The following NR3C2 variants were observed in gnomAD, a reference collection of about 807,000 sequenced individuals.
NR3C2 encodes nuclear receptor subfamily 3 group C member 2.
NR3C2 carries 15 observed loss-of-function variants against 86.4 expected under a neutral mutation model. That is an observed-to-expected ratio of 0.17 (90% CI 0.12 to 0.27). The LOEUF (loss-of-function observed/expected upper bound fraction) is 0.27. Among genes scored for constraint, NR3C2 ranks in the 10% least tolerant of loss-of-function variants. NR3C2 has a pLI of 1.00. For synonymous variants in NR3C2, 458 were observed against 450.5 expected (o/e 1.02, Z -0.21); for missense variants, 960 against 1,195.6 (o/e 0.80, Z 2.91).
intron 2 of NR3C2, among the ~76,000 whole-genome samples, chr4:148,420,624 C>T (rs1749235535): frequency 6.6e-6 from 1 of 152,142 alleles, no homozygotes; most frequent in African/African-American, 2.4e-5. Context: ...ACCACATACC[C>T]AGTGACATAG....
intron 5 of NR3C2, 94 bp from the exon 6 acceptor site, chr4:148,152,707 T>G: frequency 8.1e-7 from 1 of 1,241,080 alleles, no homozygotes; most frequent in Non-Finnish European, 1.2e-6. Flanking sequence ...CAGCCACCTT[T>G]CTTTCACTTT....
intron 2 of NR3C2, among the ~76,000 whole-genome samples, chr4:148,337,967 A>G (rs1167996251): frequency 1.3e-5 from 2 of 152,170 alleles, no homozygotes; most frequent in African/African-American, 4.8e-5. Flanking sequence ...TGAATTTCTC[A>G]CTAGTTTTGT....
intron 3 of NR3C2, among the ~76,000 whole-genome samples, chr4:148,230,641 A>T (rs988589489): frequency 8.5e-5 from 13 of 152,204 alleles, no homozygotes; most frequent in Non-Finnish European, 1.6e-4. Flanking sequence ...TTATAGGCAA[A>T]GCACCCTAAA....
chr4:148,436,285 C>T lies in NR3C2; in HGVS notation c.576G>A (p.Pro192=), dbSNP rs748811636. The T allele has an allele frequency of 1.2e-6, 2 of 1,614,108 alleles. No homozygotes were observed. The highest frequency in any genetic ancestry group is 1.7e-5 in the Admixed American group (1 of 60,020). ...KSPIMCHEKS[P]SVCSPLNMTS... ...TCATGTTCAGAGGGCTGCAAACAGA[C>T]GGGCTTTTCTCATGACACATGATAG... Residue 192 remains proline, a synonymous_variant, in exon 2 of 9, where the codon CCG becomes CCA. Coordinates refer to ENST00000358102, the MANE Select transcript of NR3C2 (RefSeq NM_000901.5).
intron 2 of NR3C2, among the ~76,000 whole-genome samples, chr4:148,431,063 A>G (rs1749778526): frequency 6.6e-6 from 1 of 152,204 alleles, no homozygotes; most frequent in Non-Finnish European, 1.5e-5. Flanking sequence ...GACTATCGCC[A>G]TAAACAGCCA....
chr4:148,107,493 T>C (rs1282023584), intron 8 of NR3C2, among the ~76,000 whole-genome samples: 1 of 152,234 alleles, frequency 6.6e-6, no homozygotes, highest in Admixed American at 6.5e-5. Flanking sequence ...ATCCCATTAC[T>C]GGGTATATAC....
At chr4:148,203,731 T>C (rs919793197) in intron 3 of NR3C2, among the ~76,000 whole-genome samples, 2 of 150,478 alleles carry the variant, frequency 1.3e-5, no homozygotes, top group African/African-American at 4.9e-5. Context: ...TATTCATTGT[T>C]GGAGCCAACT....
chr4:148,160,545 AG>A (rs1370743424), intron 4 of NR3C2, among the ~76,000 whole-genome samples: 6 of 152,124 alleles, frequency 3.9e-5, no homozygotes, highest in Non-Finnish European at 4.4e-5. Flanking sequence ...TCTGGAGTAT[AG>A]TAAAAGAGTG....
chr4:148,261,122 G>A (rs1347501469), intron 2 of NR3C2, among the ~76,000 whole-genome samples: 1 of 152,228 alleles, frequency 6.6e-6, no homozygotes, highest in East Asian at 1.9e-4. Context: ...CTATTATGAA[G>A]ATCTAGTAGC....
chr4:148,153,680 A>T (rs78416074), intron 5 of NR3C2, among the ~76,000 whole-genome samples: 2 of 152,188 alleles, frequency 1.3e-5, no homozygotes, highest in Non-Finnish European at 2.9e-5. Context: ...TTTCTAAGTG[A>T]TGTTTCTGTA....
At chr4:148,373,521 C>G (rs1240156373) in intron 2 of NR3C2, among the ~76,000 whole-genome samples, 1 of 144,654 alleles carries the variant, frequency 6.9e-6, no homozygotes, top group Non-Finnish European at 1.5e-5. Context: ...GTCACCCAGG[C>G]TGGAGTACAG....
intron 2 of NR3C2, among the ~76,000 whole-genome samples, chr4:148,398,727 C>T (rs1051840432): frequency 3.3e-5 from 5 of 152,246 alleles, no homozygotes; most frequent in Admixed American, 3.3e-4. Context: ...GTAAACATAA[C>T]AGATTACCCC....
At chr4:148,123,600 A>T (rs1732613243) in intron 6 of NR3C2, among the ~76,000 whole-genome samples, 1 of 152,226 alleles carries the variant, frequency 6.6e-6, no homozygotes, top group African/African-American at 2.4e-5. Context: ...TGCCACCCCC[A>T]GTGGCCCAGC....
At chr4:148,307,384 C>G (rs1742682114) in intron 2 of NR3C2, among the ~76,000 whole-genome samples, 1 of 152,034 alleles carries the variant, frequency 6.6e-6, no homozygotes, top group South Asian at 2.1e-4. Context: ...TTAGGATTTT[C>G]AACAGAATCA....
At chr4:148,274,705 C>CTTTT (rs34170216) in intron 2 of NR3C2, among the ~76,000 whole-genome samples, 1 of 129,216 alleles carries the variant, frequency 7.7e-6, no homozygotes, top group East Asian at 2.2e-4. Flanking sequence ...GTAGTTTTTT[C>CTTTT]TTTTTTTTTT....
chr4:148,103,365 T>C (rs1454547844), intron 8 of NR3C2, among the ~76,000 whole-genome samples: 2 of 152,202 alleles, frequency 1.3e-5, no homozygotes, highest in African/African-American at 2.4e-5. Context: ...GTTGTATCCA[T>C]AGTGCCTGTG....
At chr4:148,407,745 CATTA>C (rs1748493240) in intron 2 of NR3C2, among the ~76,000 whole-genome samples, 1 of 152,120 alleles carries the variant, frequency 6.6e-6, no homozygotes, top group Non-Finnish European at 1.5e-5. Flanking sequence ...TCCATTTTTA[CATTA>C]GTTAGGAGTT....
In NR3C2 at chr4:148,435,188, T is replaced by G; in HGVS notation, c.1673A>C (p.Glu558Ala). 1 of 1,614,132 alleles carries G rather than the reference T, an allele frequency of 6.2e-7. No individual in the cohort carries two copies. The highest frequency in any genetic ancestry group is 8.5e-7 in the Non-Finnish European group (1 of 1,180,012). Residue 558 changes from glutamate (E) to alanine (A), a missense_variant, in exon 2 of 9, where the codon GAG (glutamate) becomes GCG (alanine). By Grantham distance (107) the Glu-to-Ala change is moderately radical (BLOSUM62 -1). Around this residue, in one of 4 missense-constraint regions of NR3C2, gnomAD observed 680 missense variants for 719.0 expected, o/e 0.95. Coordinates refer to ENST00000358102, the MANE Select transcript of NR3C2 (RefSeq NM_000901.5). ...SSFPPVNTLV[E>A]SWKSHGDLSS... ...CAGGTCGCCGTGTGATTTCCATGAC[T>G]CCACTAAAGTATTGACAGGAGGAAA...
chr4:148,130,787 G>GT lies in NR3C2; in HGVS notation c.2511-10500dup, dbSNP rs1220936053. On this transcript the variant is annotated intron_variant, in intron 6 of 8. Coordinates refer to ENST00000358102, the MANE Select transcript of NR3C2 (RefSeq NM_000901.5). The stretch of plus-strand genomic sequence containing the variant: ...CAAGAGGAGGCCTCTCAATGAACAC[G>GT]TTTTTTTTTTTGTTTTGTTTTGTTT... Among the ~76,000 whole-genome samples the GT allele has an allele frequency of 5.2e-3, 671 of 128,388 alleles. 4 individuals are homozygous for GT. The highest frequency in any genetic ancestry group is 0.018 in the African/African-American group (587 of 32,662). The allele number at this position is 128,388 out of a possible 152,430, so 84.2% of individuals were successfully genotyped here. A position where few individuals can be genotyped will look rare whatever the true frequency, so the allele number is the denominator to read the frequency against.
Sources: gnomAD v4.1 joint callset for allele counts (sites outside exome capture counted in the v4.1 genomes callset) on GRCh38, gnomAD v4.1.1 for gene constraint, gnomAD v4.1.1 regional missense constraint, MANE v1.5 for transcripts, NCBI Gene and HGNC (gene_info 2026-07-23, HGNC 2026-07-21) for gene names.